The following VSIG2 variants were observed in gnomAD, a reference collection of about 807,000 sequenced individuals.
VSIG2 encodes V-set and immunoglobulin domain-containing protein 2.
In VSIG2, 30 loss-of-function variants were observed where a neutral mutation model predicts 29.4. The ratio of observed to expected loss-of-function variants is 1.02; its 90% CI spans 0.76 to 1.38. VSIG2 has a LOEUF of 1.38. Ranked by LOEUF, VSIG2 falls within the 40% of genes most tolerant of loss-of-function variation. The pLI is 0.00. For missense variants in VSIG2, 421 were observed against 400.8 expected (o/e 1.05, Z -0.43); for synonymous variants, 178 against 174.2 (o/e 1.02, Z -0.17).
Position 124,749,848 on chromosome 11 carries a change from A to G in VSIG2, c.446T>C (p.Leu149Ser), listed in dbSNP as rs772526434. 2 of 1,364,242 alleles carry G rather than the reference A, an allele frequency of 1.5e-6. No homozygotes were observed. The highest frequency in any genetic ancestry group is 2.0e-6 in the Non-Finnish European group (2 of 997,790). The allele number at this position is 1,364,242 out of a possible 1,614,324, so 84.5% of individuals were successfully genotyped here. The change falls in exon 4 of 7, where the codon TTA becomes TCA. Residue 149 changes from leucine to serine, a missense_variant. By Grantham distance (145) the Leu-to-Ser change is moderately radical. Transcript: ENST00000326621. The part of the protein sequence containing the change: ...LTVLVPPSNP[L>S]CSQSGQTSVG... ...AGAGGTTTGTCCACTCTGACTGCAT[A>G]AGGGATTACTGGGGGGAACTGCAAA... is the stretch of plus-strand genomic sequence containing the variant.
At chr11:124,750,974 T>C in intron 2 of VSIG2, 53 bp from the exon 3 acceptor site, 1 of 1,579,906 alleles carries the variant, frequency 6.3e-7, no homozygotes, top group South Asian at 1.1e-5. Flanking sequence ...TGGCATCAAC[T>C]CTACAGTCCT....
intron 6 of VSIG2, 124 bp from the exon 7 acceptor site, chr11:124,747,791 A>G: frequency 1.8e-6 from 2 of 1,141,694 alleles, no homozygotes; most frequent in South Asian, 1.5e-5. Context: ...TTTGGTTAAA[A>G]TGAAATTTCT....
intron 2 of VSIG2, 34 bp from the exon 3 acceptor site, chr11:124,750,955 G>A: frequency 6.2e-7 from 1 of 1,605,102 alleles, no homozygotes; most frequent in Non-Finnish European, 8.5e-7. Flanking sequence ...ATATGTGCCT[G>A]TTTCTGCCTG....
In VSIG2 at chr11:124,749,885, A is replaced by AAAAAAAAAAAAAAAAAAAAAAAAAAC. The variant is rs1555108849; in HGVS notation, c.428-20_428-19insGTTTTTTTTTTTTTTTTTTTTTTTTT. 8 of 1,419,134 alleles carry AAAAAAAAAAAAAAAAAAAAAAAAAAC rather than the reference A, an allele frequency of 5.6e-6. No individual in the cohort carries two copies. The highest frequency in any genetic ancestry group is 5.5e-5 in the African/African-American group (3 of 54,196). The allele number at this position is 1,419,134 out of a possible 1,614,324, so 87.9% of individuals were successfully genotyped here. A position where few individuals can be genotyped will look rare whatever the true frequency, so the allele number is the denominator to read the frequency against. On this transcript the variant is annotated intron_variant, in intron 3 of 6. Coordinates refer to ENST00000326621, the MANE Select transcript of VSIG2 (RefSeq NM_014312.5). ...GGGGGAACTGCAAAAAAAAAAAAAAAAAAAAAAAAACAGAAAGTTCCTCAG... is the reference window on the plus strand; with the variant it reads ...GGGGGAACTGCAAAAAAAAAAAAAAAAAAAAAAAAAAAAAAAAAAAAAAAACAAAAAAAAAACAGAAAGTTCCTCAG...
At position 124,749,870 on chromosome 11, in the gene VSIG2, C is replaced by CAAAAAAAAAAAAAAAAA. The variant is rs757471583; in HGVS notation, c.428-21_428-5dup. 27 of 781,254 alleles carry CAAAAAAAAAAAAAAAAA rather than the reference C, an allele frequency of 3.5e-5. No individual in the cohort carries two copies. The highest frequency in any genetic ancestry group is 3.3e-4 in the African/African-American group (8 of 24,088). 48.4% of individuals were successfully genotyped at this position (781,254 alleles called of 1,614,324 possible). A position where few individuals can be genotyped will look rare whatever the true frequency, so the allele number is the denominator to read the frequency against. ...CATAAGGGATTACTGGGGGGAACTG[C>CAAAAAAAAAAAAAAAAA]AAAAAAAAAAAAAAAAAAAAAAAAA... On this transcript the variant is annotated splice_polypyrimidine_tract_variant and splice_region_variant and intron_variant, in intron 3 of 6. Transcript: ENST00000326621.
In VSIG2 at chr11:124,748,497, C is replaced by T. The variant is rs1310842800; in HGVS notation, c.744G>A (p.Gly248=). ...SQGRVAGALI[G]VLLGVLLLSV... is the part of the protein sequence containing the mutation. ...ACAGCAACAGCACGCCCAGGAGCAC[C>T]CCAATCAGAGCTCCGGCCACTCGGC... The change falls in exon 6 of 7, where the codon GGG becomes GGA. Residue 248 remains glycine, a synonymous_variant. Coordinates refer to ENST00000326621, the MANE Select transcript of VSIG2 (RefSeq NM_014312.5). 1 of 1,614,050 alleles carries T rather than the reference C, an allele frequency of 6.2e-7. No homozygotes were observed. Among genetic ancestry groups the T allele is most frequent in the South Asian group, 1.1e-5 (1 of 91,090 alleles).
rs190994111 is a variant in VSIG2, at chr11:124,748,446, C to T, written c.795G>A (p.Arg265=). The change falls in exon 6 of 7, where the codon AGG becomes AGA. Residue 265 remains arginine (R), a synonymous_variant. Coordinates refer to ENST00000326621, the MANE Select transcript of VSIG2 (RefSeq NM_014312.5). ...LLSVAAFCLV[R]FQKERGKKPK... is the part of the protein sequence containing the mutation. ...GCTTCTTCCCCCTCTCTTTCTGGAA[C>T]CTGACCAGGCAGAACGCAGCAACTG... 3 of 1,614,140 alleles carry T rather than the reference C, an allele frequency of 1.9e-6. No individual in the cohort carries two copies. The highest frequency in any genetic ancestry group is 3.3e-5 in the Admixed American group (2 of 60,022).
chr11:124,749,859 G>T lies in VSIG2; in HGVS notation c.435C>A (p.Pro145=), dbSNP rs753286522. ...GLINLTVLVP[P]SNPLCSQSGQ... is the part of the protein sequence containing the mutation. ...CACTCTGACTGCATAAGGGATTACTGGGGGGAACTGCAAAAAAAAAAAAAA... is the reference window on the plus strand; with the variant it reads ...CACTCTGACTGCATAAGGGATTACTTGGGGGAACTGCAAAAAAAAAAAAAA... The change falls in exon 4 of 7, where the codon CCC becomes CCA. Residue 145 remains proline, a synonymous_variant. Coordinates refer to ENST00000326621, the MANE Select transcript of VSIG2 (RefSeq NM_014312.5). 1 of 1,222,390 alleles carries T rather than the reference G, an allele frequency of 8.2e-7. No individual in the cohort carries two copies. The allele number at this position is 1,222,390 out of a possible 1,614,324, so 75.7% of individuals were successfully genotyped here. A position where few individuals can be genotyped will look rare whatever the true frequency, so the allele number is the denominator to read the frequency against.
chr11:124,750,940 C>T lies in VSIG2; in HGVS notation c.220-19G>A, dbSNP rs771357563. On this transcript the variant is annotated intron_variant, in intron 2 of 6. Coordinates refer to ENST00000326621, the MANE Select transcript of VSIG2 (RefSeq NM_014312.5). ...ACAGGATCTGGGGAGAGGCAGAAGA[C>T]ACACATATGTGCCTGTTTCTGCCTG... 6.2e-6 allele frequency: 10 copies of T among 1,612,070 alleles called. No homozygotes were observed. The African/African-American group carries it at 8.0e-5, about 13-fold the overall frequency.
intron 3 of VSIG2, 49 bp downstream of exon 3, chr11:124,750,656 GCAAACGCCC>G: frequency 6.4e-7 from 1 of 1,569,968 alleles, no homozygotes; most frequent in Non-Finnish European, 8.7e-7. Flanking sequence ...CAAGACCAGT[GCAAACGCCC>G]CAAGTATGTG....
At chr11:124,748,577 T>C (rs772482653) in intron 5 of VSIG2, 43 bp from the exon 6 acceptor site, 4 of 1,608,364 alleles carry the variant, frequency 2.5e-6, no homozygotes, top group Non-Finnish European at 3.4e-6. Flanking sequence ...CAGGCTTTCC[T>C]CGGCCCACCA....
Position 124,749,834 on chromosome 11 carries a change from C to T in VSIG2, c.460G>A (p.Gly154Arg), listed in dbSNP as rs1165708113. 6.6e-7 allele frequency: 1 copy of T among 1,520,450 alleles called. No individual in the cohort carries two copies. Among genetic ancestry groups the T allele is most frequent in the Non-Finnish European group, 8.9e-7 (1 of 1,119,466 alleles). 94.2% of individuals were successfully genotyped at this position (1,520,450 alleles called of 1,614,324 possible). ...GTAGAGCCTCCCACAGAGGTTTGTCCACTCTGACTGCATAAGGGATTACTG... is the reference window on the plus strand; with the variant it reads ...GTAGAGCCTCCCACAGAGGTTTGTCTACTCTGACTGCATAAGGGATTACTG... Reference protein sequence around the residue: ...PPSNPLCSQSGQTSVGGSTAL... With the variant: ...PPSNPLCSQSRQTSVGGSTAL... Residue 154 changes from glycine (G) to arginine (R), a missense_variant, in exon 4 of 7, where the codon GGA becomes AGA. Coordinates refer to ENST00000326621, the MANE Select transcript of VSIG2 (RefSeq NM_014312.5).
chr11:124,748,255 C>G, intron 6 of VSIG2, 135 bp downstream of exon 6: 1 of 1,067,492 alleles, frequency 9.4e-7, no homozygotes, highest in Admixed American at 2.4e-5. Flanking sequence ...CTGCCACCAG[C>G]AAATTCCACG....
Position 124,749,874 on chromosome 11 carries a change from A to AC in VSIG2, c.428-9_428-8insG, listed in dbSNP as rs201850594. 6.6e-3 allele frequency: 8,450 copies of AC among 1,286,964 alleles called. 141 individuals carry two copies. Among genetic ancestry groups the AC allele is most frequent in the East Asian group, 0.014 (405 of 28,964 alleles). 79.7% of individuals were successfully genotyped at this position (1,286,964 alleles called of 1,614,324 possible). On this transcript the variant is annotated splice_polypyrimidine_tract_variant and intron_variant, in intron 3 of 6. Coordinates refer to ENST00000326621, the MANE Select transcript of VSIG2 (RefSeq NM_014312.5). ...AGGGATTACTGGGGGGAACTGCAAAAAAAAAAAAAAAAAAAAAAAAACAGA... is the reference window on the plus strand; with the variant it reads ...AGGGATTACTGGGGGGAACTGCAAAACAAAAAAAAAAAAAAAAAAAAACAGA...
chr11:124,749,885 A>AAAAAAAAACC lies in VSIG2; in HGVS notation c.428-20_428-19insGGTTTTTTTT. The AAAAAAAAACC allele has an allele frequency of 1.4e-6, 2 of 1,417,534 alleles. No homozygotes were observed. The highest frequency in any genetic ancestry group is 1.3e-5 in the South Asian group (1 of 75,384). 87.8% of individuals were successfully genotyped at this position (1,417,534 alleles called of 1,614,324 possible). Reference sequence around the variant, plus strand: ...GGGGGAACTGCAAAAAAAAAAAAAAAAAAAAAAAAACAGAAAGTTCCTCAG... The same window carrying AAAAAAAAACC: ...GGGGGAACTGCAAAAAAAAAAAAAAAAAAAAAAACCAAAAAAAAAACAGAAAGTTCCTCAG... On this transcript the variant is annotated intron_variant, in intron 3 of 6. Coordinates refer to ENST00000326621, the MANE Select transcript of VSIG2 (RefSeq NM_014312.5).
rs1198540963 is a variant in VSIG2, at chr11:124,749,853, A to G, written c.441T>C (p.Asn147=). ...TTTGTCCACTCTGACTGCATAAGGGATTACTGGGGGGAACTGCAAAAAAAA... is the reference window on the plus strand; with the variant it reads ...TTTGTCCACTCTGACTGCATAAGGGGTTACTGGGGGGAACTGCAAAAAAAA... ...INLTVLVPPS[N]PLCSQSGQTS... is the part of the protein sequence containing the mutation. The change falls in exon 4 of 7, where the codon AAT becomes AAC. Residue 147 remains asparagine (N), a synonymous_variant. Transcript: ENST00000326621. 2 of 725,110 alleles carry G rather than the reference A, an allele frequency of 2.8e-6. No homozygotes were observed. The highest frequency in any genetic ancestry group is 4.5e-6 in the Non-Finnish European group (2 of 444,288). The allele number at this position is 725,110 out of a possible 1,614,324, so 44.9% of individuals were successfully genotyped here.
At chr11:124,751,301 G>A (rs974721768) in intron 2 of VSIG2, 122 bp downstream of exon 2, 6 of 1,214,466 alleles carry the variant, frequency 4.9e-6, no homozygotes, top group Non-Finnish European at 7.0e-6. Flanking sequence ...TCTAGGGAGA[G>A]CCCACTTACC....
intron 1 of VSIG2, 80 bp downstream of exon 1, chr11:124,751,997 A>G (rs963702727): frequency 6.3e-6 from 9 of 1,437,086 alleles, no homozygotes; most frequent in Non-Finnish European, 8.2e-6. Context: ...CCTGGCGGGG[A>G]CAGAGTGGGT....
In VSIG2 at chr11:124,748,672, T is replaced by G; in HGVS notation, c.678A>C (p.Ala226=). The G allele has an allele frequency of 6.2e-7, 1 of 1,613,992 alleles. No homozygotes were observed. Among genetic ancestry groups the G allele is most frequent in the Non-Finnish European group, 8.5e-7 (1 of 1,179,944 alleles). Residue 226 remains alanine, a synonymous_variant, in exon 5 of 7, where the codon GCA becomes GCC. Transcript: ENST00000326621. ...RCVATNQMGS[A]SCELTLSVTE... ...TCACAGAGAGGGTCAGCTCACAGGA[T>G]GCACTGCCCATCTGGTTGGTGGCCA...
Sources: gnomAD v4.1 joint callset for allele counts on GRCh38, gnomAD v4.1.1 for gene constraint, MANE v1.5 for transcripts, NCBI Gene and HGNC (gene_info 2026-07-23, HGNC 2026-07-21) for gene names.